Variants in HSD17B12 observed in about 807,000 individuals in gnomAD.
HSD17B12 encodes the protein very-long-chain 3-oxoacyl-CoA reductase.
Under a neutral mutation model 39.3 loss-of-function variants are expected in HSD17B12, and 32 were observed. The observed-to-expected ratio is 0.81, with a 90% CI of 0.61 to 1.09. HSD17B12 has a LOEUF of 1.09. Ranked by LOEUF, HSD17B12 falls within the 50% of genes least tolerant of loss-of-function variation. The pLI is 0.00. For synonymous variants in HSD17B12, 150 were observed against 146.7 expected, an observed-to-expected ratio of 1.02 and a Z score of -0.16; for missense variants, 342 against 382.9, an observed-to-expected ratio of 0.89 and a Z score of 0.89.
chr11:43,603,199 G>C, the HSD17B12 span, among the ~76,000 whole-genome samples: 1 of 152,052 alleles, frequency 6.6e-6, no homozygotes, highest in Non-Finnish European at 1.5e-5. Context: ...TCTTGGTTCA[G>C]AGGACAGTAA....
intron 1 of HSD17B12, among the ~76,000 whole-genome samples, chr11:43,699,597 A>G (rs1380821652): frequency 6.6e-6 from 1 of 152,132 alleles, no homozygotes; most frequent in Non-Finnish European, 1.5e-5. Context: ...TTTTTTTCAA[A>G]TTGTTTGTTA....
intron 1 of HSD17B12, among the ~76,000 whole-genome samples, chr11:43,698,096 G>A (rs1414943705): frequency 6.6e-6 from 1 of 152,120 alleles, no homozygotes; most frequent in Non-Finnish European, 1.5e-5. Context: ...GACTGGGAGA[G>A]GGAGTCAGAC....
chr11:43,624,607 T>C, the HSD17B12 span, among the ~76,000 whole-genome samples: 1 of 151,758 alleles, frequency 6.6e-6, no homozygotes, highest in Admixed American at 6.6e-5. Flanking sequence ...AAAATAACAA[T>C]CAAGCTATGA....
intron 9 of HSD17B12, among the ~76,000 whole-genome samples, chr11:43,843,336 C>T (rs553427562): frequency 6.6e-6 from 1 of 152,252 alleles, no homozygotes; most frequent in Admixed American, 6.5e-5. Flanking sequence ...TGTTTATGCC[C>T]ACAAATTTTT....
intron 6 of HSD17B12, among the ~76,000 whole-genome samples, chr11:43,817,046 A>ATATC (rs1565100065): frequency 1.1e-4 from 13 of 116,226 alleles, no homozygotes; most frequent in African/African-American, 3.8e-4. Flanking sequence ...ATATCTATAT[A>ATATC]TATATATATA....
At chr11:43,563,360 C>T in the HSD17B12 span, among the ~76,000 whole-genome samples, 1 of 152,318 alleles carries the variant, frequency 6.6e-6, no homozygotes, top group Admixed American at 6.5e-5. Context: ...AATGATAAAG[C>T]CCTCGCCTGA....
chr11:43,791,360 T>C (rs1299303100), intron 3 of HSD17B12, among the ~76,000 whole-genome samples: 3 of 152,094 alleles, frequency 2.0e-5, no homozygotes, highest in African/African-American at 7.2e-5. Context: ...GGCAAAACCC[T>C]GTCTCTACTA....
At chr11:43,651,912 A>C in the HSD17B12 span, among the ~76,000 whole-genome samples, 1 of 152,212 alleles carries the variant, frequency 6.6e-6, no homozygotes, top group Non-Finnish European at 1.5e-5. Flanking sequence ...AAAACATGAA[A>C]TACCTAGGGA....
At chr11:43,637,473 G>A in the HSD17B12 span, among the ~76,000 whole-genome samples, 6 of 152,060 alleles carry the variant, frequency 3.9e-5, no homozygotes, top group African/African-American at 9.7e-5. Context: ...CGCAGGCCTT[G>A]GCCTCCCAAA....
intron 3 of HSD17B12, among the ~76,000 whole-genome samples, chr11:43,787,697 A>T (rs533995386): frequency 6.6e-6 from 1 of 151,538 alleles, no homozygotes; most frequent in African/African-American, 2.4e-5. Context: ...AGATTGCACC[A>T]CTGCACTCCA....
the HSD17B12 span, among the ~76,000 whole-genome samples, chr11:43,636,018 G>A: frequency 6.6e-6 from 1 of 152,032 alleles, no homozygotes; most frequent in East Asian, 1.9e-4. Flanking sequence ...GTTGACTTTA[G>A]GTCTTTTGAT....
At chr11:43,619,212 T>A in the HSD17B12 span, among the ~76,000 whole-genome samples, 1,454 of 37,460 alleles carry the variant, frequency 0.039, 7 homozygotes, top group Non-Finnish European at 0.063. Context: ...TATATATATA[T>A]AAAATATATA....
At chr11:43,832,364 A>C (rs1951319914) in intron 7 of HSD17B12, among the ~76,000 whole-genome samples, 1 of 152,250 alleles carries the variant, frequency 6.6e-6, no homozygotes, top group African/African-American at 2.4e-5. Context: ...GGTATTGTAA[A>C]AGGAATTTTT....
chr11:43,796,275 C>A (rs542224165), intron 3 of HSD17B12, among the ~76,000 whole-genome samples: 1 of 151,694 alleles, frequency 6.6e-6, no homozygotes, highest in East Asian at 1.9e-4. Flanking sequence ...TAGGAAAAGC[C>A]GGGAACGATG....
At chr11:43,572,136 T>C in the HSD17B12 span, among the ~76,000 whole-genome samples, 1 of 152,144 alleles carries the variant, frequency 6.6e-6, no homozygotes, top group Non-Finnish European at 1.5e-5. Context: ...AGGGGCATCC[T>C]CGGTGTGAGT....
the HSD17B12 span, among the ~76,000 whole-genome samples, chr11:43,641,732 T>G: frequency 6.6e-6 from 1 of 151,952 alleles, no homozygotes; most frequent in South Asian, 2.1e-4. Context: ...TATTAGAATA[T>G]TTGCAACTCA....
chr11:43,813,121 G>A (rs577297509), intron 4 of HSD17B12, among the ~76,000 whole-genome samples: 4 of 152,224 alleles, frequency 2.6e-5, no homozygotes, highest in South Asian at 4.1e-4. Flanking sequence ...GATTACAGGC[G>A]TGAGCCACCA....
At chr11:43,833,349 C>T (rs1249222742) in intron 7 of HSD17B12, 1 of 152,158 alleles carries the variant, frequency 6.6e-6, no homozygotes, top group Non-Finnish European at 1.5e-5. Context: ...CCCTCTCTAC[C>T]CGTCATTCAG....
At chr11:43,810,367 TTATATATA>T (rs59970877) in intron 4 of HSD17B12, among the ~76,000 whole-genome samples, 4,737 of 59,516 alleles carry the variant, frequency 0.08, 117 homozygotes, top group Non-Finnish European at 0.11. Flanking sequence ...AATTTAGAAA[TTATATATA>T]TATATATATA....
Sources: gnomAD v4.1 joint callset for allele counts (sites outside exome capture counted in the v4.1 genomes callset) on GRCh38, gnomAD v4.1.1 for gene constraint, MANE v1.5 for transcripts, NCBI Gene and HGNC (gene_info 2026-07-23, HGNC 2026-07-21) for gene names.